Variants in VPS13A observed in about 807,000 individuals in gnomAD.
VPS13A encodes the protein vacuolar protein sorting 13 homolog A, also known as intermembrane lipid transfer protein VPS13A.
Under a neutral mutation model 390.9 loss-of-function variants are expected in VPS13A, and 264 were observed. That is an observed-to-expected ratio of 0.68 (90% CI 0.61 to 0.75). VPS13A has a LOEUF of 0.75. Among genes scored for constraint, VPS13A ranks in the 30% least tolerant of loss-of-function variants. The pLI, the probability that VPS13A is intolerant of heterozygous loss-of-function variation, is 0.00. For missense variants in VPS13A, 3,409 were observed against 3,733.9 expected (o/e 0.91, Z 2.27); for synonymous variants, 1,231 against 1,227.1 (o/e 1.00, Z -0.07).
chr9:77,329,050 C>T (rs924395662), intron 45 of VPS13A, among the ~76,000 whole-genome samples: 78 of 152,240 alleles, frequency 5.1e-4, no homozygotes, highest in Non-Finnish European at 1.9e-4. Context: ...AGAACTCATT[C>T]ACCATCACGA....
intron 71 of VPS13A, among the ~76,000 whole-genome samples, chr9:77,412,646 C>T (rs570479380): frequency 0.017 from 2,602 of 151,966 alleles, 25 homozygotes; most frequent in Non-Finnish European, 0.021. Flanking sequence ...AATATCATAC[C>T]GAATGGGCAA....
intron 22 of VPS13A, 87 bp downstream of exon 22, chr9:77,252,439 T>A (rs1825196927): frequency 9.4e-7 from 1 of 1,064,062 alleles, no homozygotes; most frequent in Admixed American, 1.7e-5. Context: ...CTCTTCCTTG[T>A]GTGTGTGGTG....
chr9:77,250,450 C>G (rs1319516027), intron 21 of VPS13A, among the ~76,000 whole-genome samples: 1 of 152,082 alleles, frequency 6.6e-6, no homozygotes, highest in Non-Finnish European at 1.5e-5. Context: ...ACAGGTAGAG[C>G]ATGAGTGGCA....
At chr9:77,320,477 A>G (rs1829679138) in intron 42 of VPS13A, among the ~76,000 whole-genome samples, 1 of 152,154 alleles carries the variant, frequency 6.6e-6, no homozygotes, top group African/African-American at 2.4e-5. Flanking sequence ...AGACTGCAGA[A>G]TTACTCACGT....
At chr9:77,350,005 A>G (rs992718960) in intron 52 of VPS13A, among the ~76,000 whole-genome samples, 1 of 152,206 alleles carries the variant, frequency 6.6e-6, no homozygotes, top group Non-Finnish European at 1.5e-5. Flanking sequence ...CTAGTTTATA[A>G]TTCCTTACCA....
At position 77,421,095 on chromosome 9, in the gene VPS13A, A is replaced by C. The variant is rs1395844240; in HGVS notation, c.*5089A>C. The C allele has an allele frequency of 6.6e-6, 1 of 152,216 alleles. No homozygotes were observed. Among genetic ancestry groups the C allele is most frequent in the Non-Finnish European group, 1.5e-5 (1 of 68,028 alleles). 9.4% of individuals were successfully genotyped at this position (152,216 alleles called of 1,614,324 possible). On this transcript the variant is annotated 3_prime_UTR_variant, in exon 72 of 72. Coordinates refer to ENST00000360280, the MANE Select transcript of VPS13A (RefSeq NM_033305.3). ...TTCAGGAAAAGTGCACTTTAAAAAT[A>C]CTTTCTCTTGCTAGTTTTTTAAATT...
Position 77,219,954 on chromosome 9 carries a change from T to C in VPS13A, c.755T>C (p.Val252Ala). The C allele has an allele frequency of 6.2e-7, 1 of 1,613,482 alleles. No homozygotes were observed. The highest frequency in any genetic ancestry group is 8.5e-7 in the Non-Finnish European group (1 of 1,179,574). The change falls in exon 11 of 72, where the codon GTA becomes GCA. Residue 252 changes from valine to alanine, a missense_variant and splice_region_variant. By Grantham distance (64) the Val-to-Ala change is moderately conservative. Around this residue, in one of 5 missense-constraint regions of VPS13A, gnomAD observed 2,717 missense variants for 2,917.4 expected, o/e 0.93. Transcript: ENST00000360280. ...ENIVPEGYDF[V>A]FRPISANAKL... Reference sequence around the variant, plus strand: ...TTTTTCCATTTTTATTATTTTTCAGTATTTCGTCCCATATCTGCTAATGCC... The same window carrying C: ...TTTTTCCATTTTTATTATTTTTCAGCATTTCGTCCCATATCTGCTAATGCC...
chr9:77,251,390 G>C (rs1186437372), intron 21 of VPS13A, among the ~76,000 whole-genome samples: 1 of 152,054 alleles, frequency 6.6e-6, no homozygotes, highest in Non-Finnish European at 1.5e-5. Context: ...ATTTCTTTCT[G>C]ATTATACCTA....
At chr9:77,354,920 T>C (rs1453737417) in intron 54 of VPS13A, among the ~76,000 whole-genome samples, 3 of 152,162 alleles carry the variant, frequency 2.0e-5, no homozygotes, top group African/African-American at 7.2e-5. Flanking sequence ...TTTTCTCTAC[T>C]TTTGCACTGT....
At position 77,302,350 on chromosome 9, in the gene VPS13A, A is replaced by G. The variant is rs573988089; in HGVS notation, c.3813-565A>G. On this transcript the variant is annotated intron_variant, in intron 33 of 71. Transcript: ENST00000360280. ...TTACCATATTCCAAAATTGTATCGA[A>G]AAATACATATTTTTCCCCTTTTTTT... 2.0e-5 allele frequency among the ~76,000 whole-genome samples: 3 copies of G among 151,420 alleles called. No individual in the cohort carries two copies. The South Asian group carries it at 6.3e-4, about 32-fold the overall frequency.
At chr9:77,341,106 G>A (rs929518158) in intron 50 of VPS13A, among the ~76,000 whole-genome samples, 4 of 151,500 alleles carry the variant, frequency 2.6e-5, no homozygotes, top group African/African-American at 7.3e-5. Flanking sequence ...ATTCCTTTTT[G>A]CATACAAAAC....
chr9:77,371,001 G>C (rs760731286), intron 66 of VPS13A, 25 bp from the exon 67 acceptor site: 1 of 1,614,128 alleles, frequency 6.2e-7, no homozygotes, highest in Non-Finnish European at 8.5e-7. Flanking sequence ...GGATGCAATT[G>C]TCAAAAACTC....
chr9:77,265,707 C>T (rs902457393), intron 23 of VPS13A, among the ~76,000 whole-genome samples: 20 of 152,062 alleles, frequency 1.3e-4, no homozygotes, highest in African/African-American at 4.8e-4. Context: ...GTCTGGCTAG[C>T]AGTCTATGTA....
chr9:77,337,626 A>T, intron 47 of VPS13A, 89 bp downstream of exon 47: 1 of 1,357,532 alleles, frequency 7.4e-7, no homozygotes, highest in South Asian at 1.3e-5. Flanking sequence ...TATTTTAAAG[A>T]TCTAATAAAA....
chr9:77,387,827 A>G (rs1298343128), intron 68 of VPS13A, among the ~76,000 whole-genome samples: 2 of 152,182 alleles, frequency 1.3e-5, no homozygotes, highest in East Asian at 1.9e-4. Flanking sequence ...ATGTTATTTA[A>G]GTGTACACCT....
chr9:77,219,123 T>C (rs1203682513), intron 10 of VPS13A, among the ~76,000 whole-genome samples: 2 of 151,812 alleles, frequency 1.3e-5, no homozygotes, highest in African/African-American at 4.8e-5. Flanking sequence ...AGGTCCAGGG[T>C]AGCTTCTGTC....
chr9:77,398,579 G>T (rs1248401054), intron 68 of VPS13A, among the ~76,000 whole-genome samples: 2 of 152,062 alleles, frequency 1.3e-5, no homozygotes, highest in African/African-American at 2.4e-5. Flanking sequence ...CTTATATAAT[G>T]CATTCATAAA....
chr9:77,218,134 G>T, intron 10 of VPS13A, among the ~76,000 whole-genome samples: 1 of 115,714 alleles, frequency 8.6e-6, no homozygotes, highest in Non-Finnish European at 1.7e-5. Flanking sequence ...TTTTTTTGGA[G>T]ACAGAGTCTT....
At position 77,337,338 on chromosome 9, in the gene VPS13A, G is replaced by T; in HGVS notation, c.6179G>T (p.Gly2060Val). 6.2e-7 allele frequency: 1 copy of T among 1,612,112 alleles called. No individual in the cohort carries two copies. The highest frequency in any genetic ancestry group is 8.5e-7 in the Non-Finnish European group (1 of 1,178,596). ...IDFEEIIKND[G>V]ALLKKKCRSK... is the part of the protein sequence containing the mutation. ...TTTGAAGAGATTATAAAAAATGATG[G>T]TGCTCTTCTAAAGAAGAAATGTAGA... is the stretch of plus-strand genomic sequence containing the variant. Residue 2060 changes from glycine (G) to valine (V), a missense_variant, in exon 47 of 72, where the codon GGT (glycine) becomes GTT (valine). By Grantham distance (109) the Gly-to-Val change is moderately radical. This residue lies in a region of VPS13A where 2,717 missense variants were observed against 2,917.4 expected (regional missense o/e 0.93). Transcript: ENST00000360280.
Sources: allele counts gnomAD v4.1 joint callset (sites outside exome capture counted in the v4.1 genomes callset), GRCh38; gene constraint gnomAD v4.1.1; regional missense constraint gnomAD v4.1.1; transcripts MANE v1.5; gene names NCBI Gene and HGNC (gene_info 2026-07-23, HGNC 2026-07-21).